ACAA2: variants seen among roughly 807,000 people sequenced by gnomAD.
ACAA2 encodes the protein 3-ketoacyl-CoA thiolase, mitochondrial.
In ACAA2, 35 loss-of-function variants were observed where a neutral mutation model predicts 44.8. The observed-to-expected ratio is 0.78, with a 90% CI of 0.60 to 1.04. ACAA2 has a LOEUF of 1.04. Ranked by LOEUF, ACAA2 falls within the 50% of genes least tolerant of loss-of-function variation. ACAA2 has a pLI of 0.00. For missense variants in ACAA2, 468 were observed against 482.6 expected, an observed-to-expected ratio of 0.97 and a Z score of 0.28; for synonymous variants, 142 against 166.5, an observed-to-expected ratio of 0.85 and a Z score of 1.13.
At chr18:49,806,539 T>C (rs952580213) in intron 1 of ACAA2, among the ~76,000 whole-genome samples, 1 of 152,230 alleles carries the variant, frequency 6.6e-6, no homozygotes, top group Non-Finnish European at 1.5e-5. Flanking sequence ...AAGTCAGTTC[T>C]GTCTGCAGGA....
intron 1 of ACAA2, among the ~76,000 whole-genome samples, chr18:49,807,535 A>G (rs895542897): frequency 2.6e-5 from 4 of 152,188 alleles, no homozygotes; most frequent in Non-Finnish European, 2.9e-5. Context: ...GACTTCATTA[A>G]AATAGAAAAC....
intron 1 of ACAA2, among the ~76,000 whole-genome samples, chr18:49,806,690 G>A (rs1479189912): frequency 6.6e-6 from 1 of 152,174 alleles, no homozygotes; most frequent in Non-Finnish European, 1.5e-5. Context: ...GAAATTAGCA[G>A]ACAAGGATTT....
At chr18:49,803,889 A>T (rs1302486040) in intron 1 of ACAA2, among the ~76,000 whole-genome samples, 1 of 151,240 alleles carries the variant, frequency 6.6e-6, no homozygotes, top group Non-Finnish European at 1.5e-5. Flanking sequence ...GTCATGGACA[A>T]CATAAACTAA....
At chr18:49,810,685 T>G (rs1326862586) in intron 1 of ACAA2, among the ~76,000 whole-genome samples, 1 of 151,562 alleles carries the variant, frequency 6.6e-6, no homozygotes, top group Non-Finnish European at 1.5e-5. Flanking sequence ...TTGGTTTGGG[T>G]TTTTTTTGTT....
chr18:49,783,804 C>A lies in ACAA2; in HGVS notation c.*43G>T, dbSNP rs376003593. ...GGTCACTTGTTTTACTGTGGCCTGG[C>A]CAAGTAGAGTAAGGATGGGTCACAG... On this transcript the variant is annotated 3_prime_UTR_variant, in exon 10 of 10. Transcript: ENST00000285093. The A allele has an allele frequency of 2.2e-5, 34 of 1,558,938 alleles. No homozygotes were observed. The highest frequency in any genetic ancestry group is 2.8e-5 in the Non-Finnish European group (32 of 1,132,996).
intron 2 of ACAA2, among the ~76,000 whole-genome samples, chr18:49,801,809 T>TATATATATATATAA (rs2023552408): frequency 6.9e-6 from 1 of 145,940 alleles, no homozygotes; most frequent in Non-Finnish European, 1.5e-5. Context: ...TATATATATA[T>TATATATATATATAA]ATATATCTTA....
At position 49,792,255 on chromosome 18, in the gene ACAA2, A is replaced by G. The variant is rs747783652; in HGVS notation, c.650T>C (p.Met217Thr). ...GGGCCGAGCATGCTCGTCTACCTGC[A>G]TTGTCTGTTTTCCTTTCTTTGTCTT... ...EVKTKKGKQTMQVDEHARPQT... is the reference protein window; with the variant it reads ...EVKTKKGKQTTQVDEHARPQT... Residue 217 changes from methionine (M) to threonine (T), a missense_variant, in exon 6 of 10, where the codon ATG becomes ACG. Physicochemically the swap from Met to Thr is moderately conservative, Grantham distance 81. Transcript: ENST00000285093. 1 of 1,614,026 alleles carries G rather than the reference A, an allele frequency of 6.2e-7. No individual in the cohort carries two copies. The highest frequency in any genetic ancestry group is 1.1e-5 in the South Asian group (1 of 91,064).
At chr18:49,807,379 GAAAC>G (rs1299318749) in intron 1 of ACAA2, among the ~76,000 whole-genome samples, 1 of 151,560 alleles carries the variant, frequency 6.6e-6, no homozygotes, top group Non-Finnish European at 1.5e-5. Flanking sequence ...TAAAAAAACA[GAAAC>G]AAAAACAAAG....
intron 2 of ACAA2, among the ~76,000 whole-genome samples, chr18:49,799,774 G>A (rs185585111): frequency 2.5e-3 from 381 of 150,796 alleles, no homozygotes; most frequent in Non-Finnish European, 3.9e-3. Flanking sequence ...AGTGAGGGGC[G>A]CCTCTTCCCA....
chr18:49,783,515 C>G lies in ACAA2; in HGVS notation c.*332G>C, dbSNP rs2023289971. The G allele has an allele frequency of 5.3e-6, 1 of 187,866 alleles. No individual in the cohort carries two copies. The highest frequency in any genetic ancestry group is 1.1e-5 in the Non-Finnish European group (1 of 90,558). 11.6% of individuals were successfully genotyped at this position (187,866 alleles called of 1,614,324 possible). On this transcript the variant is annotated 3_prime_UTR_variant, in exon 10 of 10. Transcript: ENST00000285093. ...AGGAAAATATTAACTGAAGTTAAGG[C>G]AACATTTATTTGATTTCCTTATAAT...
At chr18:49,799,245 C>G (rs867963054) in intron 2 of ACAA2, among the ~76,000 whole-genome samples, 5 of 152,058 alleles carry the variant, frequency 3.3e-5, no homozygotes, top group South Asian at 2.1e-4. Context: ...CCTCTCCCCA[C>G]GGTCTCCCTC....
chr18:49,785,445 T>TGTTTCTTCCTATTTAA, intron 8 of ACAA2, 94 bp from the exon 9 acceptor site: 1 of 1,217,392 alleles, frequency 8.2e-7, no homozygotes, highest in Non-Finnish European at 1.2e-6. Flanking sequence ...CTAAGTCTGC[T>TGTTTCTTCCTATTTAA]GTTTCTTCCT....
intron 5 of ACAA2, 44 bp downstream of exon 5, chr18:49,794,236 A>G: frequency 1.4e-6 from 2 of 1,387,544 alleles, no homozygotes; most frequent in Admixed American, 2.5e-5. Flanking sequence ...TATTTCCTAT[A>G]GATATTTATT....
intron 3 of ACAA2, among the ~76,000 whole-genome samples, chr18:49,797,244 C>T (rs1288679110): frequency 1.3e-5 from 2 of 151,330 alleles, no homozygotes; most frequent in Non-Finnish European, 2.9e-5. Context: ...AGGCTTATTC[C>T]ACTTTCAGGT....
chr18:49,803,727 T>A (rs1421425993), intron 1 of ACAA2, among the ~76,000 whole-genome samples: 1 of 152,142 alleles, frequency 6.6e-6, no homozygotes, highest in Non-Finnish European at 1.5e-5. Flanking sequence ...TAAAAGAATC[T>A]CCAAACTAGA....
At chr18:49,807,419 C>T (rs1053325097) in intron 1 of ACAA2, among the ~76,000 whole-genome samples, 1 of 151,944 alleles carries the variant, frequency 6.6e-6, no homozygotes, top group Non-Finnish European at 1.5e-5. Context: ...ATATAAAATG[C>T]AAAACTCTTA....
chr18:49,809,372 G>T (rs1232191968), intron 1 of ACAA2, among the ~76,000 whole-genome samples: 1 of 152,186 alleles, frequency 6.6e-6, no homozygotes, highest in Non-Finnish European at 1.5e-5. Context: ...CAGGCGTTAA[G>T]AGTATTATTA....
chr18:49,790,929 A>G (rs2023390901), intron 7 of ACAA2, among the ~76,000 whole-genome samples: 1 of 152,178 alleles, frequency 6.6e-6, no homozygotes, highest in Non-Finnish European at 1.5e-5. Flanking sequence ...AGAGACTTGG[A>G]TTCACACCCT....
At chr18:49,809,338 C>T (rs776963413) in intron 1 of ACAA2, among the ~76,000 whole-genome samples, 12 of 152,088 alleles carry the variant, frequency 7.9e-5, no homozygotes, top group Non-Finnish European at 1.0e-4. Context: ...ACGAAGATAA[C>T]GGGATTAAGA....
Sources: allele counts gnomAD v4.1 joint callset (sites outside exome capture counted in the v4.1 genomes callset), GRCh38; gene constraint gnomAD v4.1.1; transcripts MANE v1.5; gene names NCBI Gene and HGNC (gene_info 2026-07-23, HGNC 2026-07-21).